CXCL13: variants seen among roughly 807,000 people sequenced by gnomAD.
CXCL13 encodes C-X-C motif chemokine 13.
A neutral mutation model predicts 12.2 loss-of-function variants in CXCL13; 7 were observed. The observed-to-expected ratio is 0.57, with a 90% CI of 0.33 to 1.07. The LOEUF (loss-of-function observed/expected upper bound fraction) is 1.07, where lower values mean the gene tolerates loss of function less well. CXCL13 is among the 50% of genes least tolerant of loss of function. The probability of loss-of-function intolerance (pLI) is 0.04; values close to 1 mark genes in which losing one functional copy is unlikely to be tolerated. For missense variants in CXCL13, 113 were observed against 127.4 expected (o/e 0.89, Z 0.55); for synonymous variants, 47 against 42.4 (o/e 1.11, Z -0.42).
chr4:77,589,904 A>G (rs752071384), intron 1 of CXCL13, among the ~76,000 whole-genome samples: 1 of 152,222 alleles, frequency 6.6e-6, no homozygotes, highest in Admixed American at 6.5e-5. Context: ...CTGTGTTACC[A>G]TCAGAATAGT....
At chr4:77,605,152 T>G (rs1348655415), upstream of CXCL13, among the ~76,000 whole-genome samples, 1 of 152,152 alleles carries the variant, frequency 6.6e-6, no homozygotes, top group Non-Finnish European at 1.5e-5. Context: ...AGAGATTCTC[T>G]TCCTCAAGGC....
chr4:77,518,935 G>A (rs914588324), intron 1 of CXCL13, among the ~76,000 whole-genome samples: 5 of 152,054 alleles, frequency 3.3e-5, no homozygotes, highest in African/African-American at 9.7e-5. Flanking sequence ...ATCTAGTTTT[G>A]GACTTTGATG....
intron 1 of CXCL13, among the ~76,000 whole-genome samples, chr4:77,535,215 C>A (rs1227633840): frequency 6.6e-6 from 1 of 152,182 alleles, no homozygotes; most frequent in Non-Finnish European, 1.5e-5. Context: ...CCTTTAGGAA[C>A]TCTGTTTTGC....
intron 1 of CXCL13, among the ~76,000 whole-genome samples, chr4:77,584,057 G>A (rs909753419): frequency 1.3e-5 from 2 of 152,202 alleles, no homozygotes; most frequent in African/African-American, 4.8e-5. Flanking sequence ...TCTCAAAAAT[G>A]AAGGGGCAAC....
chr4:77,601,436 C>A (rs1479229605), upstream of CXCL13, among the ~76,000 whole-genome samples: 2 of 151,860 alleles, frequency 1.3e-5, no homozygotes, highest in Non-Finnish European at 2.9e-5. Flanking sequence ...AATAAAACAC[C>A]CCCTGTGTAA....
At chr4:77,587,722 G>C (rs1385367285) in intron 1 of CXCL13, among the ~76,000 whole-genome samples, 1 of 152,232 alleles carries the variant, frequency 6.6e-6, no homozygotes, top group Non-Finnish European at 1.5e-5. Context: ...AAACTAGTAA[G>C]AGGAAGAGCC....
At chr4:77,551,590 A>G (rs940438273) in intron 1 of CXCL13, among the ~76,000 whole-genome samples, 10 of 152,116 alleles carry the variant, frequency 6.6e-5, no homozygotes, top group African/African-American at 2.4e-4. Flanking sequence ...TGCCTTGATG[A>G]CACTCGTTTT....
chr4:77,524,293 A>G (rs1448113210), intron 1 of CXCL13, among the ~76,000 whole-genome samples: 2 of 152,224 alleles, frequency 1.3e-5, no homozygotes, highest in African/African-American at 2.4e-5. Context: ...TTAAGTCTGC[A>G]GAAGTTTCTG....
intron 1 of CXCL13, among the ~76,000 whole-genome samples, chr4:77,577,416 GA>G (rs1405004677): frequency 3.3e-5 from 5 of 151,988 alleles, no homozygotes; most frequent in Non-Finnish European, 7.4e-5. Context: ...GAAGCCCTAA[GA>G]AAGAAAACTA....
intron 1 of CXCL13, among the ~76,000 whole-genome samples, chr4:77,540,363 AG>A (rs954166612): frequency 6.6e-6 from 1 of 152,144 alleles, no homozygotes; most frequent in Non-Finnish European, 1.5e-5. Flanking sequence ...CCCATCATGC[AG>A]GTACTGAGCA....
chr4:77,531,086 T>C (rs1724903784), intron 1 of CXCL13, among the ~76,000 whole-genome samples: 1 of 148,646 alleles, frequency 6.7e-6, no homozygotes, highest in African/African-American at 2.5e-5. Context: ...TGAGTGTTTT[T>C]GAGTGAGTTT....
At chr4:77,523,790 C>T (rs1383100445) in intron 1 of CXCL13, among the ~76,000 whole-genome samples, 1 of 152,144 alleles carries the variant, frequency 6.6e-6, no homozygotes, top group African/African-American at 2.4e-5. Flanking sequence ...GAGAAGAGGT[C>T]CTCTGGTTTT....
At chr4:77,590,306 C>A (rs1726574963) in intron 1 of CXCL13, among the ~76,000 whole-genome samples, 1 of 152,208 alleles carries the variant, frequency 6.6e-6, no homozygotes, top group Non-Finnish European at 1.5e-5. Context: ...AAAAGTCTTT[C>A]TCTTCCCAGC....
At chr4:77,597,630 G>C (rs892677506) in intron 1 of CXCL13, among the ~76,000 whole-genome samples, 9 of 152,138 alleles carry the variant, frequency 5.9e-5, no homozygotes, top group African/African-American at 1.7e-4. Flanking sequence ...TCTCATGGTT[G>C]GCTTAAGAAA....
At chr4:77,582,979 T>C (rs575529865) in intron 1 of CXCL13, among the ~76,000 whole-genome samples, 3 of 152,334 alleles carry the variant, frequency 2.0e-5, no homozygotes, top group African/African-American at 4.8e-5. Flanking sequence ...AACTAGGTCA[T>C]GGCTGAAGAT....
At chr4:77,515,382 A>G (rs1012049841) in intron 1 of CXCL13, among the ~76,000 whole-genome samples, 16 of 152,234 alleles carry the variant, frequency 1.1e-4, no homozygotes, top group South Asian at 6.2e-4. Context: ...CATTGAATCT[A>G]TAAATTACCT....
chr4:77,597,323 G>A (rs934751624), intron 1 of CXCL13, among the ~76,000 whole-genome samples: 3 of 151,956 alleles, frequency 2.0e-5, no homozygotes, highest in Non-Finnish European at 2.9e-5. Context: ...TCCCCTGGGG[G>A]CAAAAGGAAT....
At chr4:77,524,594 G>A (rs1294014849) in intron 1 of CXCL13, among the ~76,000 whole-genome samples, 1 of 152,208 alleles carries the variant, frequency 6.6e-6, no homozygotes, top group African/African-American at 2.4e-5. Context: ...TATTTGGGCT[G>A]GAGTGTCCTG....
At chr4:77,557,993 C>G (rs1725699332) in intron 1 of CXCL13, among the ~76,000 whole-genome samples, 1 of 152,114 alleles carries the variant, frequency 6.6e-6, no homozygotes, top group African/African-American at 2.4e-5. Context: ...GTGTTTGCAC[C>G]ATCTCTTTGT....
Sources: allele counts gnomAD v4.1 joint callset (sites outside exome capture counted in the v4.1 genomes callset), GRCh38; gene constraint gnomAD v4.1.1; transcripts MANE v1.5; gene names NCBI Gene and HGNC (gene_info 2026-07-23, HGNC 2026-07-21).